The following NETO1 variants were observed in gnomAD, a reference collection of about 807,000 sequenced individuals.
The protein encoded by NETO1 is neuropilin and tolloid-like protein 1.
NETO1 carries 26 observed loss-of-function variants against 61.3 expected under a neutral mutation model. The observed-to-expected ratio is 0.42, with a 90% CI of 0.31 to 0.59. The LOEUF (loss-of-function observed/expected upper bound fraction) is 0.59, where lower values mean the gene tolerates loss of function less well. Ranked by LOEUF, NETO1 falls within the 20% of genes least tolerant of loss-of-function variation. The pLI is 0.12. For missense variants in NETO1, 531 were observed against 662.8 expected, an observed-to-expected ratio of 0.80 and a Z score of 2.18; for synonymous variants, 225 against 225.8, an observed-to-expected ratio of 1.00 and a Z score of 0.03.
rs1050217726 is a variant in NETO1, at chr18:72,746,587, A to AT, written c.*1591dup. Among the ~76,000 whole-genome samples the AT allele has an allele frequency of 4.6e-5, 7 of 151,736 alleles. No homozygotes were observed. The highest frequency in any genetic ancestry group is 7.3e-5 in the African/African-American group (3 of 41,350). ...ATAAAAATTTATTTTCTATTTGCTT[A>AT]TTTTTTAACATATATGACATTGTAT... On this transcript the variant is annotated 3_prime_UTR_variant, in exon 11 of 11. Transcript: ENST00000327305.
intron 7 of NETO1, among the ~76,000 whole-genome samples, chr18:72,783,005 T>G (rs767291542): frequency 2.6e-5 from 4 of 152,198 alleles, no homozygotes; most frequent in Non-Finnish European, 5.9e-5. Context: ...CTTAAATTTC[T>G]CAGAATCCTT....
intron 4 of NETO1, among the ~76,000 whole-genome samples, chr18:72,817,826 C>CT (rs1316265134): frequency 6.6e-5 from 10 of 152,166 alleles, no homozygotes; most frequent in Admixed American, 6.5e-4. Context: ...CTTTTTCCTT[C>CT]CCACCCCAAC....
At chr18:72,829,153 T>TA (rs1203119724) in intron 4 of NETO1, among the ~76,000 whole-genome samples, 3 of 152,156 alleles carry the variant, frequency 2.0e-5, no homozygotes, top group Non-Finnish European at 4.4e-5. Context: ...ACAATCATTA[T>TA]AAAAAAAGAA....
At chr18:72,796,981 C>G (rs190108459) in intron 4 of NETO1, among the ~76,000 whole-genome samples, 11 of 152,220 alleles carry the variant, frequency 7.2e-5, no homozygotes, top group Non-Finnish European at 1.5e-5. Context: ...CATAGCACTG[C>G]TAAAATTGGT....
chr18:72,771,936 T>G (rs950614562), intron 7 of NETO1, among the ~76,000 whole-genome samples: 14 of 152,146 alleles, frequency 9.2e-5, no homozygotes, highest in African/African-American at 2.7e-4. Flanking sequence ...CAGGCAGGGC[T>G]CAATTGGGTT....
intron 7 of NETO1, among the ~76,000 whole-genome samples, chr18:72,776,735 T>C (rs970294126): frequency 1.3e-5 from 2 of 152,162 alleles, no homozygotes. Context: ...CCTAACATCA[T>C]CACCTTCGGT....
chr18:72,749,073 C>A lies in NETO1; in HGVS notation c.1557G>T (p.Gly519=). Residue 519 remains glycine, a synonymous_variant, in exon 10 of 11, where the codon GGG becomes GGT. Coordinates refer to ENST00000327305, the MANE Select transcript of NETO1 (RefSeq NM_138966.5). ...DKAVQRFCLI[G]SLSKHESEYN... ...ATTCAGATTCATGTTTGCTTAGAGA[C>A]CCAATGAGGCAGAACCTGGAATGTT... 1 of 1,606,032 alleles carries A rather than the reference C, an allele frequency of 6.2e-7. No homozygotes were observed. The highest frequency in any genetic ancestry group is 8.5e-7 in the Non-Finnish European group (1 of 1,173,006).
At chr18:72,775,626 T>C (rs1942446) in intron 7 of NETO1, among the ~76,000 whole-genome samples, 113,447 of 152,094 alleles carry the variant, frequency 0.75, 42,391 homozygotes, top group Admixed American at 0.82. Context: ...AAAACAATGC[T>C]GACATATGAG....
At chr18:72,839,091 T>C (rs991930659) in intron 4 of NETO1, among the ~76,000 whole-genome samples, 17 of 152,340 alleles carry the variant, frequency 1.1e-4, no homozygotes, top group African/African-American at 3.6e-4. Context: ...ATTTAAACTG[T>C]TGCTTAATGT....
In NETO1 at chr18:72,786,344, G is replaced by A. The variant is rs114167336; in HGVS notation, c.640-2438C>T. ...GAAAATAGAATGTGAAGTTCTAAAT[G>A]AGGAAATCCAGACACAATTTGATGA... On this transcript the variant is annotated intron_variant, in intron 6 of 10. Coordinates refer to ENST00000327305, the MANE Select transcript of NETO1 (RefSeq NM_138966.5). Among the ~76,000 whole-genome samples the A allele has an allele frequency of 5.7e-3, 862 of 152,298 alleles. 7 individuals carry two copies. Among genetic ancestry groups the A allele is most frequent in the African/African-American group, 0.02 (827 of 41,558 alleles).
At chr18:72,806,972 G>C (rs1418394374) in intron 4 of NETO1, among the ~76,000 whole-genome samples, 1 of 152,192 alleles carries the variant, frequency 6.6e-6, no homozygotes, top group Non-Finnish European at 1.5e-5. Context: ...TTGAAAACCA[G>C]AGTGTTTGTA....
intron 4 of NETO1, among the ~76,000 whole-genome samples, chr18:72,836,166 T>A (rs1249393988): frequency 1.3e-5 from 2 of 152,214 alleles, no homozygotes; most frequent in African/African-American, 4.8e-5. Flanking sequence ...AGACGTGCCC[T>A]GCTGCTTCTC....
chr18:72,763,811 C>G (rs1268041671), intron 7 of NETO1, among the ~76,000 whole-genome samples: 1 of 152,138 alleles, frequency 6.6e-6, no homozygotes, highest in Non-Finnish European at 1.5e-5. Context: ...AGTCCGTTGT[C>G]AGGCTGCTGT....
intron 1 of NETO1, chr18:72,866,748 A>G (rs2074745811): frequency 1.0e-6 from 1 of 989,366 alleles, no homozygotes; most frequent in African/African-American, 1.7e-5. Context: ...CCACACACCC[A>G]TAAAGCGACA....
chr18:72,865,261 T>C lies in NETO1; in HGVS notation c.29-20A>G. ...CTACAACTGAAACAGAAAAGAAAAATTAGAGATAAAATACACTGAAATGAT... is the reference window on the plus strand; with the variant it reads ...CTACAACTGAAACAGAAAAGAAAAACTAGAGATAAAATACACTGAAATGAT... On this transcript the variant is annotated intron_variant, in intron 1 of 10. Coordinates refer to ENST00000327305, the MANE Select transcript of NETO1 (RefSeq NM_138966.5). 6.3e-7 allele frequency: 1 copy of C among 1,586,610 alleles called. No individual in the cohort carries two copies. Among genetic ancestry groups the C allele is most frequent in the African/African-American group, 1.3e-5 (1 of 74,276 alleles).
At chr18:72,794,458 T>C in intron 4 of NETO1, 54 bp from the exon 5 acceptor site, 2 of 1,519,832 alleles carry the variant, frequency 1.3e-6, no homozygotes, top group Non-Finnish European at 1.8e-6. Flanking sequence ...TTACTTACAG[T>C]GAGTTTAAGT....
intron 7 of NETO1, among the ~76,000 whole-genome samples, chr18:72,765,695 G>A (rs1383164854): frequency 1.3e-5 from 2 of 152,094 alleles, no homozygotes; most frequent in Admixed American, 6.6e-5. Flanking sequence ...GAGGTTACAG[G>A]CGTGAGCCAC....
chr18:72,857,551 G>A (rs964944587), intron 4 of NETO1, among the ~76,000 whole-genome samples: 1 of 152,114 alleles, frequency 6.6e-6, no homozygotes, highest in Non-Finnish European at 1.5e-5. Flanking sequence ...CCTAGAACAT[G>A]CCGTATGTCA....
At chr18:72,764,120 C>T (rs1438458563) in intron 7 of NETO1, among the ~76,000 whole-genome samples, 3 of 152,160 alleles carry the variant, frequency 2.0e-5, no homozygotes, top group Admixed American at 6.5e-5. Context: ...TGTTAAAATT[C>T]AAGGTGAAAT....
Sources: gnomAD v4.1 joint callset for allele counts (sites outside exome capture counted in the v4.1 genomes callset) on GRCh38, gnomAD v4.1.1 for gene constraint, MANE v1.5 for transcripts, NCBI Gene and HGNC (gene_info 2026-07-23, HGNC 2026-07-21) for gene names.